The following GLRA3 variants were observed in gnomAD, a reference collection of about 807,000 sequenced individuals.
The protein encoded by GLRA3 is glycine receptor subunit alpha-3.
Under a neutral mutation model 60.4 loss-of-function variants are expected in GLRA3, and 44 were observed. The observed-to-expected ratio is 0.73, with a 90% CI of 0.57 to 0.94. The LOEUF (loss-of-function observed/expected upper bound fraction) is 0.94, where lower values mean the gene tolerates loss of function less well. Among genes scored for constraint, GLRA3 ranks in the 40% least tolerant of loss-of-function variants. GLRA3 has a pLI of 0.00. For missense variants in GLRA3, 508 were observed against 564.6 expected, an observed-to-expected ratio of 0.90 and a Z score of 1.02; for synonymous variants, 223 against 192.9, an observed-to-expected ratio of 1.16 and a Z score of -1.29.
chr4:174,809,163 T>C (rs1740165934), intron 1 of GLRA3, among the ~76,000 whole-genome samples: 1 of 152,184 alleles, frequency 6.6e-6, no homozygotes, highest in African/African-American at 2.4e-5. Context: ...ATCATTTCTA[T>C]GTTTAGATAT....
intron 3 of GLRA3, among the ~76,000 whole-genome samples, chr4:174,739,139 C>T (rs1436659833): frequency 6.6e-6 from 1 of 152,176 alleles, no homozygotes; most frequent in African/African-American, 2.4e-5. Flanking sequence ...AACTAGGAAA[C>T]TAGAAGTGGG....
chr4:174,750,459 T>A (rs1174664125), intron 3 of GLRA3, among the ~76,000 whole-genome samples: 1 of 152,126 alleles, frequency 6.6e-6, no homozygotes, highest in Non-Finnish European at 1.5e-5. Context: ...TTAATATGTA[T>A]CCTCATTTAA....
intron 3 of GLRA3, among the ~76,000 whole-genome samples, chr4:174,734,795 A>T (rs1561085240): frequency 6.6e-6 from 1 of 152,198 alleles, no homozygotes; most frequent in Non-Finnish European, 1.5e-5. Context: ...GTATTCCATT[A>T]AGAATACTAC....
intron 2 of GLRA3, among the ~76,000 whole-genome samples, chr4:174,779,080 C>T (rs1738751019): frequency 6.6e-6 from 1 of 152,216 alleles, no homozygotes; most frequent in South Asian, 2.1e-4. Context: ...TGTCTGACAG[C>T]TTTGAAGAGA....
chr4:174,660,838 T>G (rs971952325), intron 7 of GLRA3, among the ~76,000 whole-genome samples: 1 of 152,226 alleles, frequency 6.6e-6, no homozygotes, highest in East Asian at 1.9e-4. Flanking sequence ...ACTGTTTTCT[T>G]CCAAGTGATG....
At chr4:174,815,232 G>A (rs115044082) in intron 1 of GLRA3, among the ~76,000 whole-genome samples, 136 of 152,308 alleles carry the variant, frequency 8.9e-4, no homozygotes, top group Middle Eastern at 3.4e-3. Context: ...GCAAGAGGTG[G>A]GCTCCCATGG....
At chr4:174,754,776 G>C (rs1413272383) in intron 3 of GLRA3, among the ~76,000 whole-genome samples, 3 of 152,018 alleles carry the variant, frequency 2.0e-5, no homozygotes, top group African/African-American at 7.2e-5. Flanking sequence ...GTAAAACCTA[G>C]CCTGTTTATG....
rs1286399538 is a variant in GLRA3, at chr4:174,728,835, A to G, written c.268-137T>C. The G allele has an allele frequency of 5.2e-6, 3 of 581,878 alleles. No homozygotes were observed. In the African/African-American group the frequency reaches 5.6e-5, roughly 11 times the overall value. The allele number at this position is 581,878 out of a possible 1,614,324, so 36.0% of individuals were successfully genotyped here. ...CCTCTTGGGGACGGGGTGTATAGTT[A>G]ATGGAGGAGGCTATACAAGTGTTGG... is the stretch of plus-strand genomic sequence containing the variant. On this transcript the variant is annotated intron_variant, in intron 3 of 9. Transcript: ENST00000274093.
At chr4:174,689,649 G>A (rs9996447) in intron 5 of GLRA3, among the ~76,000 whole-genome samples, 2 of 147,554 alleles carry the variant, frequency 1.4e-5, no homozygotes, top group Admixed American at 7.0e-5. Context: ...ACTATCCACC[G>A]TAGCAAAGAT....
intron 5 of GLRA3, among the ~76,000 whole-genome samples, chr4:174,690,390 G>C (rs1734748096): frequency 6.6e-6 from 1 of 152,140 alleles, no homozygotes; most frequent in Admixed American, 6.5e-5. Context: ...CTCAGGAATG[G>C]ACAATTTAGA....
chr4:174,795,263 G>A (rs1739519401), intron 1 of GLRA3, among the ~76,000 whole-genome samples: 1 of 151,832 alleles, frequency 6.6e-6, no homozygotes, highest in African/African-American at 2.4e-5. Flanking sequence ...TATTTCATCT[G>A]GTAGCAGAAA....
intron 8 of GLRA3, 72 bp downstream of exon 8, chr4:174,658,982 C>A (rs1393282296): frequency 3.8e-6 from 5 of 1,327,824 alleles, no homozygotes; most frequent in Non-Finnish European, 5.3e-6. Flanking sequence ...CTTTTCATCT[C>A]TATTAAATAC....
At chr4:174,778,133 C>A (rs144774119) in intron 2 of GLRA3, among the ~76,000 whole-genome samples, 2 of 152,072 alleles carry the variant, frequency 1.3e-5, no homozygotes, top group South Asian at 2.1e-4. Flanking sequence ...TCTGTAACAT[C>A]GTTAGGCAGT....
At position 174,637,082 on chromosome 4, in the gene GLRA3, A is replaced by G. The variant is rs1393084949; in HGVS notation, c.*6704T>C. 1 of 152,220 alleles carries G rather than the reference A, an allele frequency of 6.6e-6. No homozygotes were observed. Among genetic ancestry groups the G allele is most frequent in the Non-Finnish European group, 1.5e-5 (1 of 68,028 alleles). 9.4% of individuals were successfully genotyped at this position (152,220 alleles called of 1,614,324 possible). A position where few individuals can be genotyped will look rare whatever the true frequency, so the allele number is the denominator to read the frequency against. The stretch of plus-strand genomic sequence containing the variant: ...GAAAAACAAGTTGATGAAATCGTGC[A>G]TAAATTTTTAAATATGTTTTCAGTA... On this transcript the variant is annotated 3_prime_UTR_variant, in exon 10 of 10. Coordinates refer to ENST00000274093, the MANE Select transcript of GLRA3 (RefSeq NM_006529.4).
chr4:174,784,897 A>T (rs995321938), intron 2 of GLRA3, among the ~76,000 whole-genome samples: 6 of 152,186 alleles, frequency 3.9e-5, no homozygotes, highest in Non-Finnish European at 5.9e-5. Flanking sequence ...ATTCTCAAAA[A>T]TGTTTCAGAT....
At chr4:174,666,090 T>A (rs1360289103) in intron 7 of GLRA3, among the ~76,000 whole-genome samples, 1 of 152,152 alleles carries the variant, frequency 6.6e-6, no homozygotes, top group African/African-American at 2.4e-5. Flanking sequence ...TTAACTACTA[T>A]TCTATATCAC....
chr4:174,726,150 G>A (rs982091081), intron 4 of GLRA3, among the ~76,000 whole-genome samples: 1 of 152,184 alleles, frequency 6.6e-6, no homozygotes, highest in African/African-American at 2.4e-5. Flanking sequence ...AATATTGACT[G>A]TCCACTAAGT....
intron 3 of GLRA3, among the ~76,000 whole-genome samples, chr4:174,736,394 G>A (rs1421455477): frequency 1.3e-5 from 2 of 151,764 alleles, no homozygotes; most frequent in African/African-American, 2.4e-5. Flanking sequence ...ACAGTATTAC[G>A]CAGCCATCAC....
chr4:174,816,822 A>G (rs1315243937), intron 1 of GLRA3, among the ~76,000 whole-genome samples: 2 of 151,646 alleles, frequency 1.3e-5, no homozygotes, highest in East Asian at 3.9e-4. Context: ...GGCATGCTTT[A>G]TATTTTAATT....
Sources: allele counts gnomAD v4.1 joint callset (sites outside exome capture counted in the v4.1 genomes callset), GRCh38; gene constraint gnomAD v4.1.1; transcripts MANE v1.5; gene names NCBI Gene and HGNC (gene_info 2026-07-23, HGNC 2026-07-21).